The following PCSK5 variants were observed in gnomAD, a reference collection of about 807,000 sequenced individuals.
The protein encoded by PCSK5 is proprotein convertase subtilisin/kexin type 5, also known as prohormone convertase 5.
A neutral mutation model predicts 233.2 loss-of-function variants in PCSK5; 129 were observed. The observed-to-expected ratio is 0.55, with a 90% CI of 0.48 to 0.64. The LOEUF is 0.64. Among genes scored for constraint, PCSK5 ranks in the 30% least tolerant of loss-of-function variants. The pLI is 0.00. For synonymous variants in PCSK5, 825 were observed against 879.2 expected, an observed-to-expected ratio of 0.94 and a Z score of 1.09; for missense variants, 2,076 against 2,430.1, an observed-to-expected ratio of 0.85 and a Z score of 3.06.
Position 76,310,871 on chromosome 9 carries a change from T to A in PCSK5, c.3884+20T>A, listed in dbSNP as rs757793821. On this transcript the variant is annotated intron_variant, in intron 30 of 37. Transcript: ENST00000674117. ...CCCGGAGTAAGTTTCCTTTTTAATT[T>A]TACTTCCTGCTTGTAATCACTCTCC... The A allele has an allele frequency of 9.4e-6, 14 of 1,489,186 alleles. No individual in the cohort carries two copies. Among genetic ancestry groups the A allele is most frequent in the Non-Finnish European group, 1.3e-5 (14 of 1,100,564 alleles). The allele number at this position is 1,489,186 out of a possible 1,614,324, so 92.2% of individuals were successfully genotyped here.
intron 10 of PCSK5, among the ~76,000 whole-genome samples, chr9:76,150,663 G>A (rs1006307673): frequency 6.6e-6 from 1 of 152,102 alleles, no homozygotes; most frequent in Non-Finnish European, 1.5e-5. Context: ...TAAATACCAG[G>A]CAGCAGAACA....
rs527487345 is a variant in PCSK5, at chr9:76,288,932, G to A, written c.3143-3301G>A. 4.6e-5 allele frequency among the ~76,000 whole-genome samples: 7 copies of A among 152,266 alleles called. No homozygotes were observed. In the East Asian group the frequency reaches 9.6e-4, roughly 21 times the overall value. On this transcript the variant is annotated intron_variant, in intron 24 of 37. Transcript: ENST00000674117. ...TCCAAATTCAATGGTGAAGGTGATC[G>A]TTATTACTGAGAACAAAATAAAATG...
At chr9:76,328,975 A>AATTTTTTTT (rs779500799) in intron 33 of PCSK5, among the ~76,000 whole-genome samples, 1 of 123,726 alleles carries the variant, frequency 8.1e-6, no homozygotes, top group Non-Finnish European at 1.6e-5. Flanking sequence ...CTCCCGGCTA[A>AATTTTTTTT]TTTTTTTTTT....
chr9:76,262,937 A>G (rs964219747), intron 24 of PCSK5, among the ~76,000 whole-genome samples: 2 of 152,022 alleles, frequency 1.3e-5, no homozygotes, highest in Non-Finnish European at 1.5e-5. Context: ...ACAAGAAAAA[A>G]AAAAACAACC....
chr9:76,231,343 T>C lies in PCSK5; in HGVS notation c.2730-2117T>C, dbSNP rs117351301. Among the ~76,000 whole-genome samples, 1,392 of 152,258 alleles carry C rather than the reference T, an allele frequency of 9.1e-3. 7 individuals carry two copies. The highest frequency in any genetic ancestry group is 0.015 in the Non-Finnish European group (1,036 of 68,016). ...TTGGTCCCTCCCACGACTCGGATCA[T>C]GAGAACTATAATTCAAGATGAGATT... is the stretch of plus-strand genomic sequence containing the variant. On this transcript the variant is annotated intron_variant, in intron 21 of 37. Coordinates refer to ENST00000674117, the MANE Select transcript of PCSK5 (RefSeq NM_001372043.1).
chr9:76,129,043 A>G (rs1339239), intron 9 of PCSK5, among the ~76,000 whole-genome samples: 74,050 of 151,890 alleles, frequency 0.49, 18,328 homozygotes, highest in Admixed American at 0.52. Context: ...TTGGACGGTC[A>G]GTATTTTATT....
chr9:76,310,979 T>C (rs1199217912), intron 30 of PCSK5, 128 bp downstream of exon 30: 1 of 633,412 alleles, frequency 1.6e-6, no homozygotes, highest in Non-Finnish European at 2.6e-6. Flanking sequence ...TGTCCTCTGT[T>C]GACTGACATG....
At chr9:75,964,503 G>T (rs1413000727) in intron 2 of PCSK5, among the ~76,000 whole-genome samples, 1 of 152,160 alleles carries the variant, frequency 6.6e-6, no homozygotes, top group Non-Finnish European at 1.5e-5. Context: ...GGACACAGTT[G>T]AAAAAAACAT....
chr9:76,272,453 A>G (rs1827544969), intron 24 of PCSK5, among the ~76,000 whole-genome samples: 1 of 152,038 alleles, frequency 6.6e-6, no homozygotes, highest in African/African-American at 2.4e-5. Context: ...CTACAAATCT[A>G]AAATGACTTC....
In PCSK5 at chr9:75,959,609, C is replaced by T. The variant is rs1203273644; in HGVS notation, c.298-26523C>T. The stretch of plus-strand genomic sequence containing the variant: ...TTGTATTAACCCAGTTAACTTCTTG[C>T]TGAATGCCCCATGTCCAGCAGTTGT... On this transcript the variant is annotated intron_variant, in intron 2 of 37. Transcript: ENST00000674117. Among the ~76,000 whole-genome samples, 4 of 152,304 alleles carry T rather than the reference C, an allele frequency of 2.6e-5. No individual in the cohort carries two copies. The South Asian group carries it at 8.3e-4, about 32-fold the overall frequency.
intron 2 of PCSK5, among the ~76,000 whole-genome samples, chr9:75,945,265 A>G (rs943684186): frequency 1.1e-4 from 16 of 152,102 alleles, no homozygotes; most frequent in African/African-American, 3.9e-4. Context: ...ATGGTCCCCA[A>G]GCCTTTTCTT....
chr9:76,286,940 T>C (rs1047546194), intron 24 of PCSK5: 4 of 239,632 alleles, frequency 1.7e-5, no homozygotes. Context: ...GCCTGCCCTG[T>C]GGAAACCTGG....
At chr9:76,166,398 A>AT (rs77909575) in intron 12 of PCSK5, among the ~76,000 whole-genome samples, 35,209 of 152,042 alleles carry the variant, frequency 0.23, 4,348 homozygotes, top group South Asian at 0.34. Context: ...TTTATATTTA[A>AT]TTTTTGTGCC....
At chr9:76,192,067 CAAA>C (rs5898457) in intron 20 of PCSK5, among the ~76,000 whole-genome samples, 19 of 101,186 alleles carry the variant, frequency 1.9e-4, no homozygotes, top group Middle Eastern at 0.011. Flanking sequence ...AAGACTGTCT[CAAA>C]AAAAAAAAAA....
intron 5 of PCSK5, among the ~76,000 whole-genome samples, chr9:76,067,535 A>T (rs544706546): frequency 6.6e-6 from 1 of 152,226 alleles, no homozygotes; most frequent in Non-Finnish European, 1.5e-5. Flanking sequence ...TCTCATACCC[A>T]TCTTAAGTTT....
intron 3 of PCSK5, among the ~76,000 whole-genome samples, chr9:75,987,804 A>AGAAT (rs1328507737): frequency 6.6e-6 from 1 of 152,224 alleles, no homozygotes; most frequent in African/African-American, 2.4e-5. Context: ...CAAAATGATA[A>AGAAT]GAATGTAATG....
At chr9:75,946,825 T>A (rs918085610) in intron 2 of PCSK5, among the ~76,000 whole-genome samples, 4 of 152,152 alleles carry the variant, frequency 2.6e-5, no homozygotes, top group African/African-American at 9.7e-5. Context: ...CCTGACCTCG[T>A]GATCCACCCA....
chr9:76,215,688 AAGGC>A (rs1359654318), intron 20 of PCSK5, among the ~76,000 whole-genome samples: 2 of 152,078 alleles, frequency 1.3e-5, no homozygotes, highest in Admixed American at 1.3e-4. Flanking sequence ...TTGGGAGACC[AAGGC>A]AGGCAGGCGA....
At chr9:76,292,119 A>C (rs1828295129) in intron 24 of PCSK5, 114 bp from the exon 25 acceptor site, 2 of 700,380 alleles carry the variant, frequency 2.9e-6, no homozygotes, top group South Asian at 3.4e-5. Context: ...TGGACAGTAC[A>C]TTTCATGAAA....
Sources: allele counts gnomAD v4.1 joint callset (sites outside exome capture counted in the v4.1 genomes callset), GRCh38; gene constraint gnomAD v4.1.1; transcripts MANE v1.5; gene names NCBI Gene and HGNC (gene_info 2026-07-23, HGNC 2026-07-21).